Variants in FAM184A observed in about 807,000 individuals in gnomAD.
The protein encoded by FAM184A is family with sequence similarity 184 member A.
FAM184A carries 99 observed loss-of-function variants against 143.8 expected under a neutral mutation model. That is an observed-to-expected ratio of 0.69 (90% CI 0.58 to 0.81). The LOEUF is 0.81. Ranked by LOEUF, FAM184A falls within the 40% of genes least tolerant of loss-of-function variation. The pLI, the probability that FAM184A is intolerant of heterozygous loss-of-function variation, is 0.00. For synonymous variants in FAM184A, 427 were observed against 446.4 expected, an observed-to-expected ratio of 0.96 and a Z score of 0.55; for missense variants, 1,217 against 1,310.5, an observed-to-expected ratio of 0.93 and a Z score of 1.10.
At chr6:119,046,773 C>G (rs377610046) in intron 1 of FAM184A, among the ~76,000 whole-genome samples, 43 of 152,232 alleles carry the variant, frequency 2.8e-4, no homozygotes, top group African/African-American at 1.0e-3. Flanking sequence ...ATCTTAGGAG[C>G]AACTACCGCT....
chr6:119,139,827 C>A (rs1450708617), intron 1 of FAM184A, among the ~76,000 whole-genome samples: 1 of 152,200 alleles, frequency 6.6e-6, no homozygotes, highest in Middle Eastern at 3.4e-3. Flanking sequence ...TTCCTTCGAG[C>A]AAATGACTAG....
chr6:118,983,325 T>C (rs1411646070), intron 9 of FAM184A, among the ~76,000 whole-genome samples: 1 of 152,192 alleles, frequency 6.6e-6, no homozygotes, highest in Admixed American at 6.5e-5. Context: ...TTTAAACAGC[T>C]GAGTTTAATA....
rs1363301505 is a variant in FAM184A at position 119,122,742 on chromosome 6, C to A, written c.-202+26336G>T. ...TTCAACACCGACCTGGGCAACATGG[C>A]AAAACCCTGGCTCTACAAAAAATAC... On this transcript the variant is annotated intron_variant, in intron 1 of 16. Coordinates refer to the FAM184A transcript ENST00000352896. Among the ~76,000 whole-genome samples, 3 of 151,294 alleles carry A rather than the reference C, an allele frequency of 2.0e-5. No homozygotes were observed. In the South Asian group the frequency reaches 6.3e-4, roughly 32 times the overall value.
intron 14 of FAM184A, among the ~76,000 whole-genome samples, chr6:118,971,192 C>T (rs1783685222): frequency 6.6e-6 from 1 of 152,144 alleles, no homozygotes; most frequent in South Asian, 2.1e-4. Flanking sequence ...AGACTACTTC[C>T]GTACCTCACA....
At chr6:118,968,520 C>A (rs756319118) in intron 14 of FAM184A, among the ~76,000 whole-genome samples, 4 of 152,186 alleles carry the variant, frequency 2.6e-5, no homozygotes, top group Admixed American at 1.3e-4. Context: ...GCAGAGTTAA[C>A]TCTTAAAGTA....
At chr6:118,983,672 A>T (rs1562460749) in intron 9 of FAM184A, among the ~76,000 whole-genome samples, 1 of 152,170 alleles carries the variant, frequency 6.6e-6, no homozygotes, top group Non-Finnish European at 1.5e-5. Context: ...TATGAAATAT[A>T]TTCTACTGGT....
At chr6:119,098,044 C>T (rs1268506719) in intron 1 of FAM184A, among the ~76,000 whole-genome samples, 2 of 152,144 alleles carry the variant, frequency 1.3e-5, no homozygotes, top group Non-Finnish European at 2.9e-5. Flanking sequence ...ACACCCCAGT[C>T]TCATCTTGAA....
At chr6:118,962,020 T>C (rs770333491) in intron 16 of FAM184A, 57 bp from the exon 17 acceptor site, 2 of 1,533,640 alleles carry the variant, frequency 1.3e-6, no homozygotes, top group Non-Finnish European at 1.8e-6. Flanking sequence ...AATGAGAAAA[T>C]AGGAATGGTA....
At chr6:118,968,703 T>A (rs1013766986) in intron 14 of FAM184A, among the ~76,000 whole-genome samples, 3 of 152,248 alleles carry the variant, frequency 2.0e-5, no homozygotes, top group Non-Finnish European at 2.9e-5. Context: ...ATACTTGGTA[T>A]AAATGGTAGC....
At chr6:119,130,267 G>C (rs9374782) in intron 1 of FAM184A, among the ~76,000 whole-genome samples, 56,132 of 152,024 alleles carry the variant, frequency 0.37, 12,196 homozygotes, top group Non-Finnish European at 0.47. Flanking sequence ...ATTTTAGGGA[G>C]CCCCCAAATC....
chr6:119,145,980 T>C (rs1334762170), intron 1 of FAM184A, among the ~76,000 whole-genome samples: 1 of 152,162 alleles, frequency 6.6e-6, no homozygotes, highest in Non-Finnish European at 1.5e-5. Flanking sequence ...GAGCCAGAGC[T>C]CTTAACTAGT....
At chr6:118,997,425 C>T (rs904259282) in intron 9 of FAM184A, among the ~76,000 whole-genome samples, 7 of 151,924 alleles carry the variant, frequency 4.6e-5, no homozygotes, top group Non-Finnish European at 1.0e-4. Flanking sequence ...CGCAGTGGCT[C>T]ACACTTGTAA....
intron 1 of FAM184A, among the ~76,000 whole-genome samples, chr6:119,051,774 G>A (rs1401642479): frequency 6.6e-6 from 1 of 152,176 alleles, no homozygotes; most frequent in Non-Finnish European, 1.5e-5. Flanking sequence ...GTGTTATCTT[G>A]TCTGATCGCA....
chr6:119,103,606 G>A (rs903456070), intron 1 of FAM184A, among the ~76,000 whole-genome samples: 1 of 151,898 alleles, frequency 6.6e-6, no homozygotes, highest in Non-Finnish European at 1.5e-5. Flanking sequence ...ATGTTTTTCT[G>A]AGGCAGGAAA....
At chr6:118,974,799 A>G (rs1783799228) in intron 13 of FAM184A, among the ~76,000 whole-genome samples, 1 of 152,216 alleles carries the variant, frequency 6.6e-6, no homozygotes, top group African/African-American at 2.4e-5. Context: ...TCAGTTAATT[A>G]TATACAATTT....
intron 6 of FAM184A, among the ~76,000 whole-genome samples, chr6:119,008,207 C>G (rs1167820874): frequency 6.6e-6 from 1 of 152,190 alleles, no homozygotes; most frequent in East Asian, 1.9e-4. Flanking sequence ...GGGGCATCTA[C>G]TCGCCTTCTC....
chr6:118,970,240 G>A (rs972428741), intron 14 of FAM184A, among the ~76,000 whole-genome samples: 1 of 150,856 alleles, frequency 6.6e-6, no homozygotes, highest in African/African-American at 2.4e-5. Context: ...CTGACCTCAG[G>A]TGATCCGCCT....
chr6:119,057,517 T>C (rs1310989138), intron 1 of FAM184A, among the ~76,000 whole-genome samples: 1 of 152,116 alleles, frequency 6.6e-6, no homozygotes, highest in Non-Finnish European at 1.5e-5. Context: ...GACAAGAGGA[T>C]TGCCTGAGGT....
chr6:119,103,537 A>G (rs899961747), intron 1 of FAM184A, among the ~76,000 whole-genome samples: 5 of 152,230 alleles, frequency 3.3e-5, no homozygotes, highest in Non-Finnish European at 5.9e-5. Flanking sequence ...ATTGTGCATA[A>G]TTGGATGTCC....
Sources: gnomAD v4.1 joint callset for allele counts (sites outside exome capture counted in the v4.1 genomes callset) on GRCh38, gnomAD v4.1.1 for gene constraint, MANE v1.5 for transcripts, NCBI Gene and HGNC (gene_info 2026-07-23, HGNC 2026-07-21) for gene names.